Variants in NFYC observed in about 807,000 individuals in gnomAD.
NFYC encodes the protein nuclear transcription factor Y subunit gamma.
NFYC carries 25 observed loss-of-function variants against 53.1 expected under a neutral mutation model. That is an observed-to-expected ratio of 0.47 (90% confidence interval 0.34 to 0.66). The LOEUF (loss-of-function observed/expected upper bound fraction) is 0.66, where lower values mean the gene tolerates loss of function less well. Ranked by LOEUF, NFYC falls within the 30% of genes least tolerant of loss-of-function variation. NFYC has a pLI of 0.01. For missense variants in NFYC, 260 were observed against 422.7 expected (o/e 0.62, Z 3.38); for synonymous variants, 145 against 152.6 (o/e 0.95, Z 0.37).
At chr1:40,759,119 C>T (rs1438811671) in intron 6 of NFYC, among the ~76,000 whole-genome samples, 2 of 152,006 alleles carry the variant, frequency 1.3e-5, no homozygotes, top group Non-Finnish European at 2.9e-5. Flanking sequence ...TGCCTGTAAT[C>T]CCAACACTTT....
intron 2 of NFYC, among the ~76,000 whole-genome samples, chr1:40,744,238 C>A (rs757260748): frequency 3.9e-5 from 6 of 152,272 alleles, no homozygotes; most frequent in Non-Finnish European, 7.4e-5. Flanking sequence ...AATCTAATGC[C>A]CACCCTGCCC....
In NFYC at chr1:40,715,346, G is replaced by A. The variant is rs560137997; in HGVS notation, c.-9+23479G>A. 3.3e-5 allele frequency among the ~76,000 whole-genome samples: 5 copies of A among 151,772 alleles called. No homozygotes were observed. The South Asian group carries it at 1.0e-3, about 32-fold the overall frequency. ...TGCAGTGAGCCATGATAGTGCCACT[G>A]CACTCCAGCCTGGGCAACAGAGTGA... On this transcript the variant is annotated intron_variant, in intron 1 of 9. Coordinates refer to ENST00000447388, the MANE Select transcript of NFYC (RefSeq NM_014223.5).
chr1:40,764,725 A>C (rs1377372383), intron 7 of NFYC, among the ~76,000 whole-genome samples: 2 of 152,190 alleles, frequency 1.3e-5, no homozygotes, highest in Non-Finnish European at 1.5e-5. Context: ...TTCAGGAAGG[A>C]AACTTTATTT....
At chr1:40,719,559 A>T (rs1368482026) in intron 1 of NFYC, among the ~76,000 whole-genome samples, 1 of 152,214 alleles carries the variant, frequency 6.6e-6, no homozygotes, top group African/African-American at 2.4e-5. Context: ...ATGCAACTGC[A>T]GTTTAGCAAG....
intron 7 of NFYC, among the ~76,000 whole-genome samples, chr1:40,765,042 C>T (rs1557931703): frequency 6.6e-6 from 1 of 152,172 alleles, no homozygotes; most frequent in African/African-American, 2.4e-5. Flanking sequence ...CTTGTGATCC[C>T]TGGCTGGAGT....
chr1:40,735,111 G>C (rs1269209038), intron 1 of NFYC: 1 of 151,966 alleles, frequency 6.6e-6, no homozygotes, highest in South Asian at 2.1e-4. Context: ...GAATCACCCG[G>C]GGTTGGGCAG....
chr1:40,736,984 A>G (rs1325668783), intron 1 of NFYC, among the ~76,000 whole-genome samples: 3 of 151,832 alleles, frequency 2.0e-5, no homozygotes, highest in South Asian at 2.1e-4. Context: ...AAAATTAGCT[A>G]GGCGTGGTGG....
At chr1:40,693,014 T>A (rs1299158483) in intron 1 of NFYC, among the ~76,000 whole-genome samples, 4 of 152,220 alleles carry the variant, frequency 2.6e-5, no homozygotes, top group Non-Finnish European at 5.9e-5. Context: ...TGGTAGTTAT[T>A]TGTTGAGTAA....
At chr1:40,725,859 G>A (rs1370685841) in intron 1 of NFYC, among the ~76,000 whole-genome samples, 3 of 152,190 alleles carry the variant, frequency 2.0e-5, no homozygotes, top group Non-Finnish European at 4.4e-5. Context: ...TGGTTTCCCA[G>A]TGCAAATAGA....
At chr1:40,711,082 T>C (rs1409799000) in intron 1 of NFYC, among the ~76,000 whole-genome samples, 1 of 152,190 alleles carries the variant, frequency 6.6e-6, no homozygotes, top group Non-Finnish European at 1.5e-5. Flanking sequence ...AATTCTAAAT[T>C]CTTTTGGTAT....
chr1:40,729,777 G>A (rs901899381), intron 1 of NFYC, among the ~76,000 whole-genome samples: 1 of 151,454 alleles, frequency 6.6e-6, no homozygotes, highest in African/African-American at 2.4e-5. Flanking sequence ...CTGGGTTCAA[G>A]AGATTCTTCT....
At chr1:40,760,196 A>G (rs925617140) in intron 6 of NFYC, among the ~76,000 whole-genome samples, 2 of 152,242 alleles carry the variant, frequency 1.3e-5, no homozygotes, top group East Asian at 1.9e-4. Context: ...GCTTTATGCC[A>G]TCCTCCCACC....
chr1:40,703,092 C>T (rs968416080), intron 1 of NFYC, among the ~76,000 whole-genome samples: 1 of 152,202 alleles, frequency 6.6e-6, no homozygotes, highest in Non-Finnish European at 1.5e-5. Flanking sequence ...GTTGGGATTA[C>T]AGGCATGAGC....
intron 1 of NFYC, among the ~76,000 whole-genome samples, chr1:40,715,477 A>G (rs1644100923): frequency 6.6e-6 from 1 of 151,916 alleles, no homozygotes; most frequent in African/African-American, 2.4e-5. Flanking sequence ...TCCTGGCCTC[A>G]AAGGATCTTT....
chr1:40,732,115 G>T lies in NFYC; in HGVS notation c.-8-6721G>T, dbSNP rs567576848. Among the ~76,000 whole-genome samples the T allele has an allele frequency of 2.0e-5, 3 of 152,264 alleles. No homozygotes were observed. In the South Asian group the frequency reaches 6.2e-4, roughly 32 times the overall value. ...GGTCTTTTTCCCTTGGACAGTTGTT[G>T]TGATGTTAGGTTTTTAAGTATTATC... On this transcript the variant is annotated intron_variant, in intron 1 of 9. Transcript: ENST00000447388.
chr1:40,729,969 C>T (rs1327170514), intron 1 of NFYC, among the ~76,000 whole-genome samples: 4 of 152,128 alleles, frequency 2.6e-5, no homozygotes, highest in African/African-American at 9.7e-5. Context: ...AGCCACCGCG[C>T]CCAGCCCCAT....
Position 40,771,466 on chromosome 1 carries a change from C to G in NFYC, c.*638C>G, listed in dbSNP as rs567099164. On this transcript the variant is annotated 3_prime_UTR_variant, in exon 10 of 10. Coordinates refer to ENST00000447388, the MANE Select transcript of NFYC (RefSeq NM_014223.5). ...GGATTCATTGCCACACTCTTTTCTCCCAGGGACCCAGGAAACTAGGACTTT... is the reference window on the plus strand; with the variant it reads ...GGATTCATTGCCACACTCTTTTCTCGCAGGGACCCAGGAAACTAGGACTTT... 25 of 470,242 alleles carry G rather than the reference C, an allele frequency of 5.3e-5. No homozygotes were observed. The East Asian group carries it at 1.7e-3, about 33-fold the overall frequency. 29.1% of individuals were successfully genotyped at this position (470,242 alleles called of 1,614,324 possible). A position where few individuals can be genotyped will look rare whatever the true frequency, so the allele number is the denominator to read the frequency against.
intron 1 of NFYC, among the ~76,000 whole-genome samples, chr1:40,701,240 T>G (rs1643419062): frequency 1.3e-5 from 2 of 152,068 alleles, no homozygotes; most frequent in South Asian, 4.1e-4. Context: ...CTCAGCCTCC[T>G]GAGTAGCTGG....
chr1:40,770,737 T>G lies in NFYC; in HGVS notation c.917T>G (p.Met306Arg), dbSNP rs1647049890. ...QQLYQIQQVT[M>R]PAGQDLAQPM... is the part of the protein sequence containing the mutation. ...CTCTACCAGATCCAGCAAGTCACCA[T>G]GCCTGCGGGCCAGGACCTCGCCCAG... is the stretch of plus-strand genomic sequence containing the variant. The change falls in exon 10 of 10, where the codon ATG becomes AGG. Residue 306 changes from methionine (M) to arginine (R), a missense_variant. Met to Arg is a moderately conservative substitution (Grantham distance 91, BLOSUM62 -1). Coordinates refer to ENST00000447388, the MANE Select transcript of NFYC (RefSeq NM_014223.5). This position sits in a 1 kb window ranked among gnomAD's most constrained non-coding sequence, Gnocchi z 5.3. The G allele has an allele frequency of 6.2e-7, 1 of 1,613,994 alleles. No homozygotes were observed. The highest frequency in any genetic ancestry group is 1.7e-5 in the Admixed American group (1 of 60,004).
Sources: allele counts gnomAD v4.1 joint callset (sites outside exome capture counted in the v4.1 genomes callset), GRCh38; gene constraint gnomAD v4.1.1; non-coding constraint Gnocchi (gnomAD v3.1); transcripts MANE v1.5; gene names NCBI Gene and HGNC (gene_info 2026-07-23, HGNC 2026-07-21).